TYW1: variants seen among roughly 807,000 people sequenced by gnomAD.
TYW1 encodes tRNA-yW synthesizing protein 1 homolog.
TYW1 carries 46 observed loss-of-function variants against 96.2 expected under a neutral mutation model. That is an observed-to-expected ratio of 0.48 (90% CI 0.38 to 0.61). The LOEUF (loss-of-function observed/expected upper bound fraction) is 0.61. Among genes scored for constraint, TYW1 ranks in the 20% least tolerant of loss-of-function variants. TYW1 has a pLI of 0.00. For synonymous variants in TYW1, 274 were observed against 323.0 expected, an observed-to-expected ratio of 0.85 and a Z score of 1.63; for missense variants, 684 against 909.6, an observed-to-expected ratio of 0.75 and a Z score of 3.19.
intron 15 of TYW1, among the ~76,000 whole-genome samples, chr7:67,229,277 C>T (rs1801668430): frequency 1.3e-5 from 2 of 152,080 alleles, no homozygotes; most frequent in South Asian, 4.1e-4. Flanking sequence ...GTGGCTCATG[C>T]CTGTAATCCT....
intron 15 of TYW1, among the ~76,000 whole-genome samples, chr7:67,215,151 C>T (rs1266266109): frequency 6.6e-6 from 1 of 150,766 alleles, no homozygotes; most frequent in Non-Finnish European, 1.5e-5. Context: ...AACTATCAGG[C>T]CACTCCTCAC....
At chr7:67,197,134 C>A (rs1800420611) in intron 15 of TYW1, among the ~76,000 whole-genome samples, 2 of 152,160 alleles carry the variant, frequency 1.3e-5, no homozygotes, top group African/African-American at 2.4e-5. Flanking sequence ...ATATTGCTAG[C>A]CAAGGCCATT....
intron 11 of TYW1, among the ~76,000 whole-genome samples, chr7:67,093,008 T>A (rs780480929): frequency 1.9e-4 from 28 of 151,186 alleles, no homozygotes; most frequent in Non-Finnish European, 2.5e-4. Flanking sequence ...ACCAAAAATT[T>A]AAAAAAAAAT....
At chr7:67,028,986 T>G (rs1178818715) in intron 7 of TYW1, among the ~76,000 whole-genome samples, 1 of 151,986 alleles carries the variant, frequency 6.6e-6, no homozygotes, top group Non-Finnish European at 1.5e-5. Context: ...GGATTTTATT[T>G]GGACGCTGAT....
At chr7:67,093,722 C>T (rs1161289684) in intron 11 of TYW1, among the ~76,000 whole-genome samples, 4 of 151,962 alleles carry the variant, frequency 2.6e-5, no homozygotes, top group East Asian at 3.8e-4. Context: ...AATACTGACA[C>T]GAAATACATT....
intron 10 of TYW1, among the ~76,000 whole-genome samples, chr7:67,076,975 A>C (rs1796227826): frequency 6.6e-6 from 1 of 151,762 alleles, no homozygotes. Flanking sequence ...GATTTCACCA[A>C]GTTGGCCAGG....
In TYW1 at chr7:67,027,070, T is replaced by C. The variant is rs551852810; in HGVS notation, c.984+2048T>C. ...AAAAAATTAGCTAGTTGTAGTGGCA[T>C]GTGCCCGTAGTCACAACTGCTTGGG... On this transcript the variant is annotated intron_variant, in intron 7 of 15. Transcript: ENST00000359626. 5.1e-4 allele frequency among the ~76,000 whole-genome samples: 77 copies of C among 152,168 alleles called. 1 individual carries two copies. The highest frequency in any genetic ancestry group is 6.8e-3 in the Middle Eastern group (2 of 294).
chr7:67,037,255 C>G (rs952535118), intron 7 of TYW1, among the ~76,000 whole-genome samples: 2 of 152,070 alleles, frequency 1.3e-5, no homozygotes, highest in Non-Finnish European at 1.5e-5. Context: ...CACCTGTCAT[C>G]CCAGCATTTT....
chr7:67,073,599 G>C (rs1482885317), intron 10 of TYW1, among the ~76,000 whole-genome samples: 6 of 150,812 alleles, frequency 4.0e-5, no homozygotes, highest in Admixed American at 2.6e-4. Flanking sequence ...GGGAAACCCC[G>C]TCTCTACTTA....
At chr7:67,021,305 C>G (rs1433839589) in intron 6 of TYW1, among the ~76,000 whole-genome samples, 2 of 152,406 alleles carry the variant, frequency 1.3e-5, no homozygotes, top group South Asian at 4.1e-4. Flanking sequence ...CTTTGCAGTC[C>G]GGCCCACATC....
At chr7:67,006,129 C>A (rs559358775) in intron 3 of TYW1, among the ~76,000 whole-genome samples, 1 of 152,090 alleles carries the variant, frequency 6.6e-6, no homozygotes, top group South Asian at 2.1e-4. Flanking sequence ...TGGGGCTTGG[C>A]GGGAGGTGCT....
intron 12 of TYW1, among the ~76,000 whole-genome samples, chr7:67,112,131 C>T (rs143537230): frequency 0.032 from 4,226 of 133,702 alleles, 189 homozygotes; most frequent in African/African-American, 0.11. Flanking sequence ...AAAGAAAGTG[C>T]AAAAGCTCTT....
At chr7:67,115,139 C>G (rs2960962) in intron 12 of TYW1, among the ~76,000 whole-genome samples, 41,431 of 151,578 alleles carry the variant, frequency 0.27, 6,415 homozygotes, top group African/African-American at 0.43. Flanking sequence ...TGGAAGCATA[C>G]TGAAAAGGTC....
chr7:67,046,806 A>G (rs973111362), intron 7 of TYW1, among the ~76,000 whole-genome samples: 22 of 152,230 alleles, frequency 1.4e-4, no homozygotes, highest in Admixed American at 5.9e-4. Flanking sequence ...TGAGTGCTCA[A>G]GACTTTTAAT....
Position 67,167,468 on chromosome 7 carries a change from C to CAAAA in TYW1, c.1699-15635_1699-15632dup, listed in dbSNP as rs869281504. ...TGGGCGACAGAGAGAGACTCTGTCTCAAAAAAAAAAAAAAAAAAAAAAAAA... is the reference window on the plus strand; with the variant it reads ...TGGGCGACAGAGAGAGACTCTGTCTCAAAAAAAAAAAAAAAAAAAAAAAAAAAAA... On this transcript the variant is annotated intron_variant, in intron 13 of 15. Transcript: ENST00000359626. Among the ~76,000 whole-genome samples, 73 of 78,824 alleles carry CAAAA rather than the reference C, an allele frequency of 9.3e-4. 5 individuals are homozygous for CAAAA. Among genetic ancestry groups the CAAAA allele is most frequent in the African/African-American group, 3.5e-3 (71 of 20,108 alleles). 51.7% of individuals were successfully genotyped at this position (78,824 alleles called of 152,430 possible).
At chr7:67,001,724 TTTTTA>T (rs1247175668) in intron 3 of TYW1, among the ~76,000 whole-genome samples, 2 of 151,504 alleles carry the variant, frequency 1.3e-5, no homozygotes, top group African/African-American at 4.8e-5. Flanking sequence ...CCAGCCTTTA[TTTTTA>T]TTTTTTAAGA....
Position 67,184,805 on chromosome 7 carries a change from T to C in TYW1, c.1809+1569T>C, listed in dbSNP as rs1349385941. 4.6e-5 allele frequency among the ~76,000 whole-genome samples: 7 copies of C among 151,682 alleles called. No homozygotes were observed. The East Asian group carries it at 1.4e-3, about 29-fold the overall frequency. On this transcript the variant is annotated intron_variant, in intron 14 of 15. Coordinates refer to ENST00000359626, the MANE Select transcript of TYW1 (RefSeq NM_018264.4). ...TCACTGAAACCTCCGCCTCCCGGGT[T>C]CAAGCGATTCTCCTCCCTCAGCCTC...
intron 13 of TYW1, among the ~76,000 whole-genome samples, chr7:67,171,703 T>C (rs1799518864): frequency 6.6e-6 from 1 of 152,188 alleles, no homozygotes; most frequent in Non-Finnish European, 1.5e-5. Flanking sequence ...TTACATATTT[T>C]GGGTGAATTG....
intron 4 of TYW1, among the ~76,000 whole-genome samples, 191 bp from the exon 5 acceptor site, chr7:67,014,176 C>G (rs931751588): frequency 6.6e-6 from 1 of 152,180 alleles, no homozygotes; most frequent in Non-Finnish European, 1.5e-5. Context: ...GAGCAAGGGA[C>G]TGGGTTTTCT....
Sources: allele counts gnomAD v4.1 joint callset (sites outside exome capture counted in the v4.1 genomes callset), GRCh38; gene constraint gnomAD v4.1.1; transcripts MANE v1.5; gene names NCBI Gene and HGNC (gene_info 2026-07-23, HGNC 2026-07-21).